Variants in KASH5 observed in about 807,000 individuals in gnomAD.
KASH5 encodes KASH domain containing 5.
A neutral mutation model predicts 84.2 loss-of-function variants in KASH5; 72 were observed. That is an observed-to-expected ratio of 0.85 (90% CI 0.71 to 1.04). KASH5 has a LOEUF of 1.04. KASH5 is among the 50% of genes least tolerant of loss of function. KASH5 has a pLI of 0.00. For missense variants in KASH5, 650 were observed against 701.0 expected (o/e 0.93, Z 0.82); for synonymous variants, 260 against 279.1 (o/e 0.93, Z 0.68).
chr19:49,391,622 C>G (rs972461445), intron 2 of KASH5: 2 of 151,756 alleles, frequency 1.3e-5, no homozygotes, highest in South Asian at 4.2e-4. Flanking sequence ...CATACTAAGC[C>G]CTAAAGATCT....
intron 15 of KASH5, among the ~76,000 whole-genome samples, chr19:49,410,367 T>C (rs1002051615): frequency 2.6e-5 from 4 of 152,200 alleles, no homozygotes; most frequent in African/African-American, 9.6e-5. Context: ...TCTTGTCTTA[T>C]TCTGTTGCCA....
intron 2 of KASH5, chr19:49,391,757 C>G (rs1375830296): frequency 6.6e-6 from 1 of 152,150 alleles, no homozygotes; most frequent in East Asian, 1.9e-4. Flanking sequence ...TGGGAGCTCA[C>G]TTACTGTTGA....
rs1974151551 is a variant in KASH5 at position 49,395,687 on chromosome 19, C to T, written c.336-82C>T. Reference sequence around the variant, plus strand: ...CTCACCTGACCCGGTCCCCTCCTCCCACCTGCAATCCCCCTGCCTGTGGCT... The same window carrying T: ...CTCACCTGACCCGGTCCCCTCCTCCTACCTGCAATCCCCCTGCCTGTGGCT... On this transcript the variant is annotated intron_variant, in intron 4 of 19. Coordinates refer to ENST00000447857, the MANE Select transcript of KASH5 (RefSeq NM_144688.5). This position sits in a 1 kb window ranked among gnomAD's most constrained non-coding sequence, Gnocchi z 4.4. 2.8e-6 allele frequency: 4 copies of T among 1,415,126 alleles called. No homozygotes were observed. The East Asian group carries it at 1.0e-4, about 35-fold the overall frequency. The allele number at this position is 1,415,126 out of a possible 1,614,324, so 87.7% of individuals were successfully genotyped here. A position where few individuals can be genotyped will look rare whatever the true frequency, so the allele number is the denominator to read the frequency against.
chr19:49,393,032 A>G (rs143842798), intron 2 of KASH5, among the ~76,000 whole-genome samples: 1 of 152,266 alleles, frequency 6.6e-6, no homozygotes, highest in East Asian at 1.9e-4. Context: ...GGTTCAAGAC[A>G]GAGGGGGTGC....
At chr19:49,407,090 A>G in intron 10 of KASH5, 127 bp downstream of exon 10, 2 of 1,272,450 alleles carry the variant, frequency 1.6e-6, no homozygotes, top group Non-Finnish European at 2.2e-6. Context: ...TCCCAGGACC[A>G]CCCAGGCATC....
intron 2 of KASH5, 73 bp downstream of exon 2, chr19:49,390,999 G>T: frequency 6.5e-7 from 1 of 1,538,526 alleles, no homozygotes; most frequent in South Asian, 1.2e-5. Flanking sequence ...GCCAGGCTGT[G>T]ACTCGGGGAC....
chr19:49,399,569 A>ACTCCG lies in KASH5; in HGVS notation c.798+66_798+67insGCTCC. ...CAGTCCTTAAGGTCTTCTTGACACC[A>ACTCCG]CTCCCTTCTGCCCCCAACACCCCAG... is the stretch of plus-strand genomic sequence containing the variant. On this transcript the variant is annotated intron_variant, in intron 9 of 19. Transcript: ENST00000447857. The surrounding 1 kb of genome is among the most constrained non-coding windows in gnomAD (Gnocchi z 4.4). 6.4e-7 allele frequency: 1 copy of ACTCCG among 1,556,948 alleles called. No homozygotes were observed. Among genetic ancestry groups the ACTCCG allele is most frequent in the South Asian group, 1.2e-5 (1 of 84,624 alleles).
At chr19:49,396,426 G>T (rs2122122061) in intron 5 of KASH5, among the ~76,000 whole-genome samples, 1 of 152,102 alleles carries the variant, frequency 6.6e-6, no homozygotes, top group African/African-American at 2.4e-5. Flanking sequence ...AGCTAATTTT[G>T]TATTTTTCAT....
intron 17 of KASH5, chr19:49,415,521 C>T (rs1363303208): frequency 5.3e-6 from 1 of 189,110 alleles, no homozygotes; most frequent in African/African-American, 2.4e-5. Flanking sequence ...GAGGAGCCCT[C>T]AGTTGTGAGC....
chr19:49,405,472 AAAG>A (rs1974494911), intron 9 of KASH5, among the ~76,000 whole-genome samples: 1 of 143,000 alleles, frequency 7.0e-6, no homozygotes, highest in Non-Finnish European at 1.5e-5. Context: ...AAAAAAAAAA[AAAG>A]AAAGAAAAAG....
At chr19:49,393,993 G>A (rs1220799720) in intron 2 of KASH5, among the ~76,000 whole-genome samples, 1 of 152,174 alleles carries the variant, frequency 6.6e-6, no homozygotes, top group South Asian at 2.1e-4. Context: ...AGGGAGGAGA[G>A]AGACCTGGTC....
Position 49,399,613 on chromosome 19 carries a change from C to T in KASH5, c.798+106C>T, listed in dbSNP as rs1006914284. 3.9e-6 allele frequency: 6 copies of T among 1,545,352 alleles called. No individual in the cohort carries two copies. The highest frequency in any genetic ancestry group is 4.4e-6 in the Non-Finnish European group (5 of 1,143,266). On this transcript the variant is annotated intron_variant, in intron 9 of 19. Coordinates refer to ENST00000447857, the MANE Select transcript of KASH5 (RefSeq NM_144688.5). This position sits in a 1 kb window ranked among gnomAD's most constrained non-coding sequence, Gnocchi z 4.4. ...ACCCCAGCAGCCTGTCTTGGGGAGA[C>T]CTCAGAATGTCAGTAGTGTGGGAAT...
intron 9 of KASH5, among the ~76,000 whole-genome samples, chr19:49,401,881 G>A (rs1974370648): frequency 6.6e-6 from 1 of 152,188 alleles, no homozygotes; most frequent in Non-Finnish European, 1.5e-5. Flanking sequence ...ACAGCAGGAT[G>A]GCTGTACCAT....
At chr19:49,397,250 G>A (rs775186712) in intron 5 of KASH5, among the ~76,000 whole-genome samples, 1 of 152,002 alleles carries the variant, frequency 6.6e-6, no homozygotes, top group African/African-American at 2.4e-5. Flanking sequence ...AGCAAGGGCC[G>A]GGGCATGGAG....
intron 5 of KASH5, among the ~76,000 whole-genome samples, chr19:49,396,792 C>T (rs1036928641): frequency 3.9e-5 from 6 of 152,088 alleles, no homozygotes; most frequent in Non-Finnish European, 8.8e-5. Context: ...TGATTACAGG[C>T]GTGAGCCTGT....
In KASH5 at chr19:49,417,408, C is replaced by T; in HGVS notation, c.1587C>T (p.Gly529=). The T allele has an allele frequency of 1.3e-6, 2 of 1,553,846 alleles. No homozygotes were observed. Among genetic ancestry groups the T allele is most frequent in the Non-Finnish European group, 1.7e-6 (2 of 1,148,414 alleles). Residue 529 remains glycine (G), a synonymous_variant, in exon 20 of 20, where the codon GGC becomes GGT. Coordinates refer to ENST00000447857, the MANE Select transcript of KASH5 (RefSeq NM_144688.5). This position sits in a 1 kb window ranked among gnomAD's most constrained non-coding sequence, Gnocchi z 5.2. ...CACTGATCCCAGCTCCTGTCCTGGGCCTGCTGCTGCTGCTGCTGCTCTCTG... is the reference window on the plus strand; with the variant it reads ...CACTGATCCCAGCTCCTGTCCTGGGTCTGCTGCTGCTGCTGCTGCTCTCTG... ...RHPLIPAPVL[G]LLLLLLLSVL...
In KASH5 at chr19:49,406,888, C is replaced by T. The variant is rs61732834; in HGVS notation, c.801C>T (p.Asn267=). The change falls in exon 10 of 20, where the codon AAC becomes AAT. Residue 267 remains asparagine (N), a splice_region_variant and synonymous_variant. Coordinates refer to ENST00000447857, the MANE Select transcript of KASH5 (RefSeq NM_144688.5). ...VAEMETLQEE[N]GKLLAERDGV... ...TGACCAGCCATTCCTTCTTCTAGAACGGGAAGCTGCTTGCCGAGCGGGATG... is the reference window on the plus strand; with the variant it reads ...TGACCAGCCATTCCTTCTTCTAGAATGGGAAGCTGCTTGCCGAGCGGGATG... The T allele has an allele frequency of 3.1e-3, 5,008 of 1,604,806 alleles. 104 individuals carry two copies. The African/African-American group carries it at 0.052, about 17-fold the overall frequency.
At chr19:49,398,287 CT>C (rs1478304470) in intron 7 of KASH5, 144 bp downstream of exon 7, 1 of 720,262 alleles carries the variant, frequency 1.4e-6, no homozygotes, top group Non-Finnish European at 2.2e-6. Context: ...CTGTTTTTAT[CT>C]TTTGTGTCTC....
chr19:49,411,918 G>GGGAAGGAAGGAA (rs56314106), intron 15 of KASH5, among the ~76,000 whole-genome samples: 177 of 128,252 alleles, frequency 1.4e-3, no homozygotes, highest in Middle Eastern at 4.1e-3. Context: ...GAGGGAAGGA[G>GGGAAGGAAGGAA]GGAAGGAAGG....
Sources: gnomAD v4.1 joint callset for allele counts (sites outside exome capture counted in the v4.1 genomes callset) on GRCh38, gnomAD v4.1.1 for gene constraint, Gnocchi (gnomAD v3.1) non-coding constraint, MANE v1.5 for transcripts, NCBI Gene and HGNC (gene_info 2026-07-23, HGNC 2026-07-21) for gene names.